The following TIMM9 variants were observed in gnomAD, a reference collection of about 807,000 sequenced individuals.
The protein encoded by TIMM9 is translocase of inner mitochondrial membrane 9.
A neutral mutation model predicts 13.4 loss-of-function variants in TIMM9; 10 were observed. The observed-to-expected ratio is 0.75, with a 90% CI of 0.46 to 1.26. TIMM9 has a LOEUF of 1.26. Ranked by LOEUF, TIMM9 falls within the 50% of genes most tolerant of loss-of-function variation. The pLI is 0.00. For synonymous variants in TIMM9, 32 were observed against 32.1 expected (o/e 1.00, Z 0.01); for missense variants, 87 against 100.8 (o/e 0.86, Z 0.58).
chr14:58,411,937 T>G lies in TIMM9; in HGVS notation c.9A>C (p.Ala3=), dbSNP rs375239038. Residue 3 remains alanine (A), a synonymous_variant, in exon 4 of 6, where the codon GCA becomes GCC. Coordinates refer to ENST00000395159, the MANE Select transcript of TIMM9 (RefSeq NM_012460.4). ...TTATCTGATCAGATTCTGGTATTTG[T>G]GCAGCCATATTCTTCTGGTACCTTT... MA[A]QIPESDQIKQ... 5.0e-6 allele frequency: 8 copies of G among 1,613,800 alleles called. No homozygotes were observed. In the Admixed American group the frequency reaches 1.3e-4, roughly 27 times the overall value.
rs370797955 is a variant in TIMM9, at chr14:58,409,038, C to G, written c.266G>C (p.Arg89Pro). The G allele has an allele frequency of 6.2e-7, 1 of 1,611,830 alleles. No homozygotes were observed. Among genetic ancestry groups the G allele is most frequent in the Non-Finnish European group, 8.5e-7 (1 of 1,179,642 alleles). ...AAKAGLLGQP[R>P] ...AGTTCATCCATCAGGACTTCTCTAT[C>G]GTGGTTGGCCAAGGAGTCCTGCTTT... is the stretch of plus-strand genomic sequence containing the variant. Residue 89 changes from arginine to proline, a missense_variant, in exon 6 of 6, where the codon CGA becomes CCA. Physicochemically the swap from Arg to Pro is moderately radical, Grantham distance 103. Transcript: ENST00000395159.
At position 58,408,682 on chromosome 14, in the gene TIMM9, T is replaced by A; in HGVS notation, c.*352A>T. The A allele has an allele frequency of 8.0e-7, 1 of 1,243,610 alleles. No individual in the cohort carries two copies. Among genetic ancestry groups the A allele is most frequent in the Non-Finnish European group, 1.1e-6 (1 of 898,594 alleles). 77.0% of individuals were successfully genotyped at this position (1,243,610 alleles called of 1,614,324 possible). ...TTTCCATTTATTTTACTTTGAGTAA[T>A]AAAAATTTTTCTATCTCATACATGA... On this transcript the variant is annotated 3_prime_UTR_variant, in exon 6 of 6. Transcript: ENST00000395159.
chr14:58,415,833 T>G (rs929429609), intron 3 of TIMM9, among the ~76,000 whole-genome samples: 1 of 152,054 alleles, frequency 6.6e-6, no homozygotes, highest in African/African-American at 2.4e-5. Flanking sequence ...GCAAAAGACA[T>G]AAACCTACAG....
At chr14:58,409,259 G>T in intron 5 of TIMM9, 91 bp from the exon 6 acceptor site, 1 of 1,443,192 alleles carries the variant, frequency 6.9e-7, no homozygotes, top group Non-Finnish European at 9.4e-7. Context: ...GGGGTAGTTT[G>T]CTTTTCTTTG....
intron 2 of TIMM9, among the ~76,000 whole-genome samples, chr14:58,424,824 G>A (rs926946967): frequency 9.9e-5 from 15 of 152,006 alleles, no homozygotes; most frequent in African/African-American, 3.6e-4. Context: ...CCATGATCAC[G>A]CCACTGCTCT....
intron 4 of TIMM9, among the ~76,000 whole-genome samples, chr14:58,411,423 G>A (rs1488607104): frequency 6.6e-6 from 1 of 151,610 alleles, no homozygotes; most frequent in African/African-American, 2.4e-5. Flanking sequence ...ACTCCAGCCT[G>A]GCCGACAAAG....
chr14:58,414,751 AG>A (rs1229172098), intron 3 of TIMM9, among the ~76,000 whole-genome samples: 13 of 150,368 alleles, frequency 8.6e-5, no homozygotes, highest in African/African-American at 1.5e-4. Flanking sequence ...AAAAAAAAAA[AG>A]AAAAAAAAGA....
chr14:58,419,450 G>GTCAC (rs2036518498), intron 3 of TIMM9, among the ~76,000 whole-genome samples: 2 of 68,500 alleles, frequency 2.9e-5, no homozygotes, highest in Non-Finnish European at 2.9e-5. Context: ...GTGAGACCCC[G>GTCAC]TCACACACAC....
At chr14:58,410,478 C>T (rs2036179554) in intron 5 of TIMM9, among the ~76,000 whole-genome samples, 1 of 152,120 alleles carries the variant, frequency 6.6e-6, no homozygotes, top group Admixed American at 6.5e-5. Flanking sequence ...CAAAGTCAAG[C>T]TTTGTTTTTT....
At chr14:58,423,202 G>A (rs544974787) in intron 3 of TIMM9, among the ~76,000 whole-genome samples, 2 of 151,722 alleles carry the variant, frequency 1.3e-5, no homozygotes, top group Middle Eastern at 3.4e-3. Context: ...AGCTATCCTC[G>A]GTAGTCACCA....
intron 3 of TIMM9, among the ~76,000 whole-genome samples, chr14:58,417,793 AAAAG>A (rs1343325668): frequency 6.6e-6 from 1 of 152,164 alleles, no homozygotes; most frequent in Non-Finnish European, 1.5e-5. Flanking sequence ...GAAAAGAGAA[AAAAG>A]AAAGAGCTAG....
chr14:58,417,484 C>CA (rs1309187040), intron 3 of TIMM9, among the ~76,000 whole-genome samples: 1 of 76,860 alleles, frequency 1.3e-5, no homozygotes, highest in Admixed American at 1.9e-4. Context: ...TCAGATAAAA[C>CA]AGCAAGACCC....
chr14:58,422,636 T>C (rs2036621313), intron 3 of TIMM9, among the ~76,000 whole-genome samples: 1 of 152,154 alleles, frequency 6.6e-6, no homozygotes, highest in African/African-American at 2.4e-5. Context: ...GTATGTTTCC[T>C]CTTTTCAGTG....
intron 3 of TIMM9, among the ~76,000 whole-genome samples, chr14:58,419,451 T>TCACA (rs67147520): frequency 0.013 from 1,430 of 112,876 alleles, 6 homozygotes; most frequent in East Asian, 0.017. Flanking sequence ...TGAGACCCCG[T>TCACA]CACACACACA....
intron 3 of TIMM9, among the ~76,000 whole-genome samples, chr14:58,413,234 A>G (rs1323591117): frequency 6.6e-6 from 1 of 152,220 alleles, no homozygotes; most frequent in Admixed American, 6.5e-5. Context: ...AATAAAATCT[A>G]TTGTTGAAAA....
chr14:58,409,987 C>G (rs1406093406), intron 5 of TIMM9, among the ~76,000 whole-genome samples: 1 of 151,428 alleles, frequency 6.6e-6, no homozygotes, highest in Non-Finnish European at 1.5e-5. Flanking sequence ...TACCTCAGCC[C>G]CTGGAGTAGC....
intron 3 of TIMM9, among the ~76,000 whole-genome samples, chr14:58,415,255 T>C (rs192505309): frequency 1.3e-5 from 2 of 152,250 alleles, no homozygotes; most frequent in East Asian, 3.9e-4. Context: ...CCAGATAAAA[T>C]GATTAAATAA....
At chr14:58,414,846 C>T (rs1335363213) in intron 3 of TIMM9, among the ~76,000 whole-genome samples, 1 of 152,074 alleles carries the variant, frequency 6.6e-6, no homozygotes, top group Non-Finnish European at 1.5e-5. Flanking sequence ...CACTCCCCAG[C>T]GAGTGTCAGT....
chr14:58,426,846 G>A (rs781418982), intron 2 of TIMM9, among the ~76,000 whole-genome samples: 1 of 152,144 alleles, frequency 6.6e-6, no homozygotes, highest in Non-Finnish European at 1.5e-5. Flanking sequence ...GGTGGCTCAG[G>A]GCCTAAAGTT....
Sources: gnomAD v4.1 joint callset for allele counts (sites outside exome capture counted in the v4.1 genomes callset) on GRCh38, gnomAD v4.1.1 for gene constraint, MANE v1.5 for transcripts, NCBI Gene and HGNC (gene_info 2026-07-23, HGNC 2026-07-21) for gene names.